The following RGS7 variants were observed in gnomAD, a reference collection of about 807,000 sequenced individuals.
The protein encoded by RGS7 is regulator of G-protein signaling 7.
A neutral mutation model predicts 81.1 loss-of-function variants in RGS7; 27 were observed. The observed-to-expected ratio is 0.33, with a 90% CI of 0.25 to 0.46. The LOEUF (loss-of-function observed/expected upper bound fraction) is 0.46, where lower values mean the gene tolerates loss of function less well. RGS7 is among the 20% of genes least tolerant of loss of function. The pLI, the probability that RGS7 is intolerant of heterozygous loss-of-function variation, is 1.00. For missense variants in RGS7, 396 were observed against 607.4 expected (o/e 0.65, Z 3.66); for synonymous variants, 208 against 207.7 (o/e 1.00, Z -0.01).
chr1:241,261,277 G>A (rs866884321), intron 2 of RGS7, among the ~76,000 whole-genome samples: 28 of 152,112 alleles, frequency 1.8e-4, no homozygotes, highest in South Asian at 1.5e-3. Context: ...ATGCGGCTGG[G>A]AACAGAAGTG....
chr1:241,110,967 G>A (rs930669046), intron 2 of RGS7, among the ~76,000 whole-genome samples: 1 of 152,072 alleles, frequency 6.6e-6, no homozygotes, highest in Non-Finnish European at 1.5e-5. Context: ...TTATGGGAGT[G>A]AGCCACCGTG....
chr1:241,178,365 T>G (rs1186119241), intron 2 of RGS7, among the ~76,000 whole-genome samples: 2 of 151,972 alleles, frequency 1.3e-5, no homozygotes, highest in Non-Finnish European at 2.9e-5. Flanking sequence ...CGCTGAGGGT[T>G]AGAGACATAA....
At chr1:241,241,707 C>T (rs2076266336) in intron 2 of RGS7, among the ~76,000 whole-genome samples, 1 of 152,134 alleles carries the variant, frequency 6.6e-6, no homozygotes, top group African/African-American at 2.4e-5. Flanking sequence ...CCCAACTTTG[C>T]TACCAATGAC....
At chr1:240,811,100 T>G (rs891785154) in intron 14 of RGS7, among the ~76,000 whole-genome samples, 1 of 152,124 alleles carries the variant, frequency 6.6e-6, no homozygotes, top group South Asian at 2.1e-4. Flanking sequence ...TGAAAATAAA[T>G]GAATGCAGAG....
chr1:240,781,032 TAA>T lies in RGS7; in HGVS notation c.*7-4821_*7-4820del, dbSNP rs11296063. ...ATCTACTGTTGTCTTTATCAATTTA[TAA>T]AAAAAAAAAAACATGGTTCTCTTTC... is the stretch of plus-strand genomic sequence containing the variant. On this transcript the variant is annotated intron_variant, in intron 18 of 18. Coordinates refer to ENST00000440928, the MANE Select transcript of RGS7 (RefSeq NM_001364886.1). Among the ~76,000 whole-genome samples the T allele has an allele frequency of 6.0e-4, 87 of 144,764 alleles. 2 individuals are homozygous for T. The highest frequency in any genetic ancestry group is 2.0e-3 in the East Asian group (10 of 5,008). 95.0% of individuals were successfully genotyped at this position (144,764 alleles called of 152,430 possible). A position where few individuals can be genotyped will look rare whatever the true frequency, so the allele number is the denominator to read the frequency against.
intron 9 of RGS7, among the ~76,000 whole-genome samples, chr1:240,844,057 A>G (rs181800500): frequency 5.1e-4 from 77 of 152,224 alleles, no homozygotes; most frequent in Non-Finnish European, 7.6e-4. Flanking sequence ...CACATTTTAA[A>G]TCTTAGTTTC....
chr1:241,006,210 C>A (rs1159944626), intron 3 of RGS7, among the ~76,000 whole-genome samples: 1 of 152,188 alleles, frequency 6.6e-6, no homozygotes, highest in African/African-American at 2.4e-5. Flanking sequence ...TTGTCTCTCA[C>A]TTCAATTAGA....
At chr1:241,156,247 T>C (rs2069140563) in intron 2 of RGS7, among the ~76,000 whole-genome samples, 1 of 152,076 alleles carries the variant, frequency 6.6e-6, no homozygotes, top group African/African-American at 2.4e-5. Context: ...ATTTCAGTCC[T>C]TTAGGAGCCT....
At chr1:240,859,440 G>GTTTTTTTTTTTTTTTTTTTTTTTTTCCT (rs5782167) in intron 9 of RGS7, among the ~76,000 whole-genome samples, 2 of 110,824 alleles carry the variant, frequency 1.8e-5, no homozygotes, top group African/African-American at 3.4e-5. Context: ...TTTCTTTCCT[G>GTTTTTTTTTTTTTTTTTTTTTTTTTCCT]TTTTTTTTTT....
At chr1:240,866,137 T>C (rs958358552) in intron 9 of RGS7, among the ~76,000 whole-genome samples, 20 of 152,112 alleles carry the variant, frequency 1.3e-4, no homozygotes, top group East Asian at 1.9e-4. Flanking sequence ...GAAAAAGAAA[T>C]GGTTGAAGGT....
At chr1:240,993,788 A>T (rs958410837) in intron 3 of RGS7, among the ~76,000 whole-genome samples, 2 of 152,178 alleles carry the variant, frequency 1.3e-5, no homozygotes, top group Non-Finnish European at 2.9e-5. Flanking sequence ...AAGATATCCA[A>T]TAATTTCTCC....
chr1:241,189,842 G>A (rs916944985), intron 2 of RGS7, among the ~76,000 whole-genome samples: 14 of 152,048 alleles, frequency 9.2e-5, no homozygotes, highest in East Asian at 3.9e-4. Flanking sequence ...CAGGCTGGGC[G>A]CGGTGGCTCA....
intron 3 of RGS7, among the ~76,000 whole-genome samples, chr1:241,029,923 C>G (rs1428943455): frequency 6.6e-6 from 1 of 152,122 alleles, no homozygotes; most frequent in Non-Finnish European, 1.5e-5. Flanking sequence ...TCAGTTGTGG[C>G]AATACGTGAA....
chr1:241,140,713 G>A (rs1225315216), intron 2 of RGS7, among the ~76,000 whole-genome samples: 1 of 152,144 alleles, frequency 6.6e-6, no homozygotes, highest in East Asian at 1.9e-4. Flanking sequence ...GCCCAATCTG[G>A]ACAGAGCATC....
chr1:241,026,538 G>A (rs771191053), intron 3 of RGS7, among the ~76,000 whole-genome samples: 5 of 151,752 alleles, frequency 3.3e-5, no homozygotes, highest in South Asian at 4.2e-4. Flanking sequence ...GCAGTGAGCC[G>A]AGATCGCGCC....
chr1:240,984,645 C>T (rs993396420), intron 3 of RGS7, among the ~76,000 whole-genome samples: 4 of 152,140 alleles, frequency 2.6e-5, no homozygotes, highest in African/African-American at 9.7e-5. Flanking sequence ...ACATAGTAAA[C>T]TGTGTTATGC....
intron 3 of RGS7, among the ~76,000 whole-genome samples, chr1:241,082,656 C>T (rs1275514152): frequency 6.6e-6 from 1 of 152,092 alleles, no homozygotes; most frequent in Non-Finnish European, 1.5e-5. Context: ...TTCAATAGTA[C>T]ATTATCGAAA....
chr1:240,979,314 T>A (rs1684588201), intron 4 of RGS7, among the ~76,000 whole-genome samples: 1 of 152,136 alleles, frequency 6.6e-6, no homozygotes, highest in African/African-American at 2.4e-5. Flanking sequence ...CAATAAAAAG[T>A]ATATATAGGA....
At chr1:241,180,318 T>C (rs1226214287) in intron 2 of RGS7, among the ~76,000 whole-genome samples, 3 of 151,724 alleles carry the variant, frequency 2.0e-5, no homozygotes, top group Admixed American at 6.6e-5. Flanking sequence ...GAGATTGCAG[T>C]GAGCTGAGAT....
Sources: gnomAD v4.1 joint callset for allele counts (sites outside exome capture counted in the v4.1 genomes callset) on GRCh38, gnomAD v4.1.1 for gene constraint, MANE v1.5 for transcripts, NCBI Gene and HGNC (gene_info 2026-07-23, HGNC 2026-07-21) for gene names.